Variants in ASTN2 observed in about 807,000 individuals in gnomAD.
ASTN2 encodes the protein astrotactin 2, also known as astrotactin-2.
ASTN2 carries 54 observed loss-of-function variants against 139.8 expected under a neutral mutation model. That is an observed-to-expected ratio of 0.39 (90% CI 0.31 to 0.48). The LOEUF (loss-of-function observed/expected upper bound fraction) is 0.48, where lower values mean the gene tolerates loss of function less well. Among genes scored for constraint, ASTN2 ranks in the 20% least tolerant of loss-of-function variants. The pLI is 0.95. For missense variants in ASTN2, 1,565 were observed against 1,725.1 expected (o/e 0.91, Z 1.64); for synonymous variants, 756 against 719.5 (o/e 1.05, Z -0.81).
At position 116,586,837 on chromosome 9, in the gene ASTN2, C is replaced by T. The variant is rs867824916; in HGVS notation, c.3355+31487G>A. Among the ~76,000 whole-genome samples the T allele has an allele frequency of 3.1e-4, 46 of 149,322 alleles. 1 individual carries two copies. Among genetic ancestry groups the T allele is most frequent in the African/African-American group, 4.9e-4 (20 of 40,544 alleles). The stretch of plus-strand genomic sequence containing the variant: ...TCACACACACACACATACATACACA[C>T]ACACACACACACACACACACACACG... On this transcript the variant is annotated intron_variant, in intron 19 of 22. Coordinates refer to ENST00000313400, the MANE Select transcript of ASTN2 (RefSeq NM_001365068.1).
At chr9:117,364,637 C>G (rs1829784219) in intron 1 of ASTN2, among the ~76,000 whole-genome samples, 1 of 152,030 alleles carries the variant, frequency 6.6e-6, no homozygotes, top group African/African-American at 2.4e-5. Flanking sequence ...GCTCAGGACT[C>G]AAAGGTCTGG....
In ASTN2 at chr9:116,618,425, A is replaced by T; in HGVS notation, c.3254T>A (p.Leu1085Ter). 6.2e-7 allele frequency: 1 copy of T among 1,614,150 alleles called. No homozygotes were observed. The highest frequency in any genetic ancestry group is 8.5e-7 in the Non-Finnish European group (1 of 1,179,980). ...TVEPSSTVVS[L>*]EWVDVQPAIG... ...AGCTGGCTGAACATCCACCCACTCC[A>T]AGGAGACCACAGTACTGGAGGGCTC... The change falls in exon 19 of 23, where the codon TTG becomes TAG. Residue 1085 changes from leucine (L) to a stop codon, truncating the protein, a stop_gained. Transcript: ENST00000313400. LOFTEE classifies it high-confidence loss of function.
chr9:116,613,100 T>A (rs1855637048), intron 19 of ASTN2: 1 of 152,016 alleles, frequency 6.6e-6, no homozygotes, highest in African/African-American at 2.4e-5. Flanking sequence ...AACACCTCTA[T>A]GCAAATAAAC....
intron 1 of ASTN2, among the ~76,000 whole-genome samples, chr9:117,304,031 A>G (rs1426588974): frequency 6.6e-6 from 1 of 152,200 alleles, no homozygotes; most frequent in Non-Finnish European, 1.5e-5. Context: ...TGCTAACCAC[A>G]GAATATGTGA....
intron 11 of ASTN2, among the ~76,000 whole-genome samples, chr9:116,843,166 A>G (rs956306231): frequency 6.6e-6 from 1 of 152,056 alleles, no homozygotes; most frequent in Admixed American, 6.5e-5. Context: ...CCTATTCACA[A>G]TAGCAAAGAC....
intron 19 of ASTN2, among the ~76,000 whole-genome samples, chr9:116,609,339 T>TATATATATAC (rs530916589): frequency 2.1e-5 from 3 of 140,360 alleles, no homozygotes; most frequent in African/African-American, 7.9e-5. Flanking sequence ...TATATATATA[T>TATATATATAC]ACACACACAC....
chr9:116,703,597 G>A (rs1338869591), intron 16 of ASTN2, among the ~76,000 whole-genome samples: 2 of 151,426 alleles, frequency 1.3e-5, no homozygotes, highest in South Asian at 4.2e-4. Flanking sequence ...GAGTGGGGAG[G>A]GGTAGCATTG....
At position 116,568,283 on chromosome 9, in the gene ASTN2, A is replaced by G. The variant is rs576830361; in HGVS notation, c.3355+50041T>C. On this transcript the variant is annotated intron_variant, in intron 19 of 22. Transcript: ENST00000313400. ...CAAGGATGCTTTGCATTTCAATTCA[A>G]TACTGTACTAGTGGACTAGCCTATA... 3.9e-5 allele frequency among the ~76,000 whole-genome samples: 6 copies of G among 152,368 alleles called. No individual in the cohort carries two copies. In the South Asian group the frequency reaches 1.2e-3, roughly 32 times the overall value.
At chr9:116,549,502 G>A (rs983207125) in intron 19 of ASTN2, among the ~76,000 whole-genome samples, 2 of 152,306 alleles carry the variant, frequency 1.3e-5, no homozygotes, top group African/African-American at 4.8e-5. Flanking sequence ...GAGCCTGCGT[G>A]GGGACGGTCT....
intron 2 of ASTN2, among the ~76,000 whole-genome samples, chr9:117,259,320 GC>G (rs1159340444): frequency 6.6e-6 from 1 of 151,992 alleles, no homozygotes; most frequent in Non-Finnish European, 1.5e-5. Flanking sequence ...AAATTCTAAG[GC>G]CCCCCTCAAC....
At position 116,976,200 on chromosome 9, in the gene ASTN2, A is replaced by G; in HGVS notation, c.1677-12T>C. On this transcript the variant is annotated splice_polypyrimidine_tract_variant and intron_variant, in intron 8 of 22. Transcript: ENST00000313400. ...TGTAGGGCCAAGGTCTATGGGAAGA[A>G]GGAGAGGGGAGAGAAGATGACATTA... is the stretch of plus-strand genomic sequence containing the variant. 1 of 1,609,380 alleles carries G rather than the reference A, an allele frequency of 6.2e-7. No individual in the cohort carries two copies. Among genetic ancestry groups the G allele is most frequent in the Non-Finnish European group, 8.5e-7 (1 of 1,177,228 alleles).
chr9:116,751,987 G>A (rs1051125867), intron 13 of ASTN2, among the ~76,000 whole-genome samples: 1 of 152,116 alleles, frequency 6.6e-6, no homozygotes, highest in African/African-American at 2.4e-5. Flanking sequence ...TGTAGGCTTG[G>A]CAAACTGATT....
intron 20 of ASTN2, among the ~76,000 whole-genome samples, chr9:116,466,451 C>T (rs140660380): frequency 2.4e-3 from 362 of 152,280 alleles, no homozygotes; most frequent in African/African-American, 8.2e-3. Flanking sequence ...CTAGGCAGTT[C>T]CTTACAGCAG....
intron 1 of ASTN2, among the ~76,000 whole-genome samples, chr9:117,326,363 C>A (rs918458721): frequency 6.6e-6 from 1 of 152,006 alleles, no homozygotes; most frequent in Non-Finnish European, 1.5e-5. Context: ...AGAGTCAAGA[C>A]TCAAACAAGC....
intron 3 of ASTN2, among the ~76,000 whole-genome samples, chr9:117,196,808 T>C (rs767529539): frequency 6.6e-6 from 1 of 152,238 alleles, no homozygotes; most frequent in South Asian, 2.1e-4. Flanking sequence ...AACAACGATA[T>C]AGATAAAGAC....
At chr9:117,083,497 G>A (rs1440689545) in intron 5 of ASTN2, among the ~76,000 whole-genome samples, 1 of 152,178 alleles carries the variant, frequency 6.6e-6, no homozygotes, top group Admixed American at 6.5e-5. Flanking sequence ...CACACAGCTG[G>A]TGACATACAG....
chr9:116,863,758 AC>A, intron 10 of ASTN2, 25 bp from the exon 11 acceptor site: 1 of 1,586,298 alleles, frequency 6.3e-7, no homozygotes. Flanking sequence ...GGATGGTTAA[AC>A]CCCAGAGACA....
intron 7 of ASTN2, among the ~76,000 whole-genome samples, chr9:116,993,806 C>A: frequency 7.3e-6 from 1 of 137,230 alleles, no homozygotes; most frequent in Admixed American, 7.5e-5. Flanking sequence ...TATGTATGTA[C>A]TATATATAAC....
chr9:116,979,194 A>G (rs1470097170), intron 7 of ASTN2, among the ~76,000 whole-genome samples: 1 of 152,204 alleles, frequency 6.6e-6, no homozygotes, highest in Non-Finnish European at 1.5e-5. Context: ...CTGAACAAAA[A>G]TGGTAGTAAG....
Sources: gnomAD v4.1 joint callset for allele counts (sites outside exome capture counted in the v4.1 genomes callset) on GRCh38, gnomAD v4.1.1 for gene constraint, MANE v1.5 for transcripts, NCBI Gene and HGNC (gene_info 2026-07-23, HGNC 2026-07-21) for gene names.